The following CRIM1 variants were observed in gnomAD, a reference collection of about 807,000 sequenced individuals.
CRIM1 encodes cysteine rich transmembrane BMP regulator 1.
CRIM1 carries 32 observed loss-of-function variants against 116.4 expected under a neutral mutation model. The observed-to-expected ratio is 0.27, with a 90% CI of 0.21 to 0.37. The LOEUF (loss-of-function observed/expected upper bound fraction) is 0.37, where lower values mean the gene tolerates loss of function less well. CRIM1 is among the 10% of genes least tolerant of loss of function. CRIM1 has a pLI of 1.00. For missense variants in CRIM1, 1,331 were observed against 1,354.8 expected (o/e 0.98, Z 0.28); for synonymous variants, 590 against 509.2 (o/e 1.16, Z -2.13).
chr2:36,541,822 A>G (rs997439681), intron 14 of CRIM1, among the ~76,000 whole-genome samples: 1 of 152,196 alleles, frequency 6.6e-6, no homozygotes, highest in Admixed American at 6.5e-5. Flanking sequence ...GGGCTCTTCT[A>G]GTAAATACCA....
intron 1 of CRIM1, among the ~76,000 whole-genome samples, chr2:36,363,854 G>A (rs370571063): frequency 5.1e-4 from 77 of 152,252 alleles, no homozygotes; most frequent in South Asian, 3.9e-3. Flanking sequence ...GACGCCATGG[G>A]GGCTATGGTT....
At chr2:36,422,480 C>G (rs2124865602) in intron 2 of CRIM1, among the ~76,000 whole-genome samples, 1 of 152,192 alleles carries the variant, frequency 6.6e-6, no homozygotes, top group Non-Finnish European at 1.5e-5. Context: ...AACTGTGTAG[C>G]CTGAGAAGCT....
rs528529738 is a variant in CRIM1, at chr2:36,356,635, C to T, written c.331+12C>T. The T allele has an allele frequency of 2.5e-6, 4 of 1,597,684 alleles. No homozygotes were observed. The highest frequency in any genetic ancestry group is 2.2e-5 in the East Asian group (1 of 44,604). ...GGGCGTTTGCGAAGGTACGGCCGCC[C>T]GCTGCGGGCCCCCTCCCACCTGGCC... On this transcript the variant is annotated intron_variant, in intron 1 of 16. Transcript: ENST00000280527. The surrounding 1 kb of genome is among the most constrained non-coding windows in gnomAD (Gnocchi z 4.3).
chr2:36,452,453 A>T (rs1361318925), intron 4 of CRIM1, among the ~76,000 whole-genome samples: 1 of 152,142 alleles, frequency 6.6e-6, no homozygotes, highest in East Asian at 1.9e-4. Context: ...GAGCGAGTCA[A>T]CTCATGACTA....
chr2:36,536,928 C>T (rs1188283181), intron 13 of CRIM1, among the ~76,000 whole-genome samples: 1 of 151,782 alleles, frequency 6.6e-6, no homozygotes, highest in Non-Finnish European at 1.5e-5. Flanking sequence ...GACTCCCACT[C>T]AAGGGTTGCA....
At chr2:36,485,865 A>T (rs932260171) in intron 7 of CRIM1, among the ~76,000 whole-genome samples, 4 of 152,254 alleles carry the variant, frequency 2.6e-5, no homozygotes, top group Non-Finnish European at 4.4e-5. Flanking sequence ...ACTGTTAGGC[A>T]TGTGTTTTAT....
chr2:36,437,324 A>C (rs1378605548), intron 2 of CRIM1, among the ~76,000 whole-genome samples: 3 of 152,042 alleles, frequency 2.0e-5, no homozygotes, highest in Non-Finnish European at 4.4e-5. Flanking sequence ...GCAGTGAACC[A>C]AGATTGCACC....
intron 5 of CRIM1, among the ~76,000 whole-genome samples, chr2:36,476,073 A>G (rs147319035): frequency 0.015 from 2,283 of 152,150 alleles, 37 homozygotes; most frequent in South Asian, 0.072. Context: ...TAAATCAACT[A>G]AAATTAAAGA....
Position 36,517,542 on chromosome 2 carries a change from G to C in CRIM1, c.2206G>C (p.Asp736His). The C allele has an allele frequency of 6.2e-7, 1 of 1,607,728 alleles. No individual in the cohort carries two copies. Among genetic ancestry groups the C allele is most frequent in the South Asian group, 1.1e-5 (1 of 90,974 alleles). The change falls in exon 12 of 17, where the codon GAT becomes CAT. Residue 736 changes from aspartate (D) to histidine (H), a missense_variant and splice_region_variant. By Grantham distance (81) the Asp-to-His change is moderately conservative. This residue lies in a region of CRIM1 where 358 missense variants were observed against 436.1 expected (regional missense o/e 0.82). Coordinates refer to ENST00000280527, the MANE Select transcript of CRIM1 (RefSeq NM_016441.3). The part of the protein sequence containing the change: ...TQDSCCPQCT[D>H]QPFRPSLSRN... The stretch of plus-strand genomic sequence containing the variant: ...GGATTCCTGCTGCCCACAGTGTACA[G>C]GTAAGCGACACCATGCCTTGTGGGT...
intron 4 of CRIM1, among the ~76,000 whole-genome samples, chr2:36,450,158 G>A (rs879724850): frequency 6.6e-6 from 1 of 152,128 alleles, no homozygotes; most frequent in Non-Finnish European, 1.5e-5. Flanking sequence ...CTTTCTAATA[G>A]AATGTCGATA....
chr2:36,397,886 G>A (rs1315202502), intron 2 of CRIM1, among the ~76,000 whole-genome samples: 1 of 152,170 alleles, frequency 6.6e-6, no homozygotes, highest in Non-Finnish European at 1.5e-5. Context: ...TCCAGTCCTT[G>A]AACTTGAACA....
intron 1 of CRIM1, among the ~76,000 whole-genome samples, chr2:36,394,849 A>G (rs1277126469): frequency 6.6e-6 from 1 of 152,102 alleles, no homozygotes; most frequent in East Asian, 1.9e-4. Flanking sequence ...ACCGCCCTGA[A>G]GCTCTTTATG....
At chr2:36,518,549 C>G (rs1371334893) in intron 12 of CRIM1, among the ~76,000 whole-genome samples, 1 of 152,136 alleles carries the variant, frequency 6.6e-6, no homozygotes, top group Non-Finnish European at 1.5e-5. Context: ...ATCAGATGAA[C>G]TTATAGGGAT....
At chr2:36,544,323 C>T in intron 14 of CRIM1, 53 bp from the exon 15 acceptor site, 1 of 1,312,874 alleles carries the variant, frequency 7.6e-7, no homozygotes, top group East Asian at 2.8e-5. Context: ...AATACAAAAG[C>T]CAACAATACA....
intron 4 of CRIM1, among the ~76,000 whole-genome samples, chr2:36,445,503 T>G (rs961477669): frequency 3.3e-5 from 5 of 152,232 alleles, no homozygotes; most frequent in Admixed American, 3.3e-4. Flanking sequence ...GTCAGTTAAT[T>G]ATCGACTTTC....
chr2:36,464,674 G>C lies in CRIM1; in HGVS notation c.991+19G>C, dbSNP rs764734281. 1.9e-6 allele frequency: 3 copies of C among 1,613,362 alleles called. No homozygotes were observed. The highest frequency in any genetic ancestry group is 2.5e-6 in the Non-Finnish European group (3 of 1,179,424). On this transcript the variant is annotated intron_variant, in intron 5 of 16. Transcript: ENST00000280527. ...GTTAATGGTACGTGGGGTTTCTCTT[G>C]TTCTCAGAGAGTGTACATTTGTGCA...
At chr2:36,411,977 G>T (rs1240255708) in intron 2 of CRIM1, among the ~76,000 whole-genome samples, 2 of 152,118 alleles carry the variant, frequency 1.3e-5, no homozygotes, top group African/African-American at 4.8e-5. Context: ...CAATTAAATT[G>T]TGTTGTCTAT....
At chr2:36,481,912 G>C (rs758864110) in intron 7 of CRIM1, among the ~76,000 whole-genome samples, 2 of 152,162 alleles carry the variant, frequency 1.3e-5, no homozygotes, top group Non-Finnish European at 2.9e-5. Context: ...GGCAGTCAGC[G>C]GAGGCAAGGG....
In CRIM1 at chr2:36,462,714, G is replaced by GGTGT. The variant is rs140873090; in HGVS notation, c.870-1818_870-1815dup. ...AATCACATCTACACATTGGGGCCAG[G>GGTGT]GTGTGGCCTGTCAGTATTCTAGCCC... is the stretch of plus-strand genomic sequence containing the variant. On this transcript the variant is annotated intron_variant, in intron 4 of 16. Coordinates refer to ENST00000280527, the MANE Select transcript of CRIM1 (RefSeq NM_016441.3). Among the ~76,000 whole-genome samples the GGTGT allele has an allele frequency of 2.9e-3, 435 of 152,274 alleles. 3 individuals carry two copies. The highest frequency in any genetic ancestry group is 0.01 in the African/African-American group (416 of 41,540).
Sources: allele counts gnomAD v4.1 joint callset (sites outside exome capture counted in the v4.1 genomes callset), GRCh38; gene constraint gnomAD v4.1.1; regional missense constraint gnomAD v4.1.1; non-coding constraint Gnocchi (gnomAD v3.1); transcripts MANE v1.5; gene names NCBI Gene and HGNC (gene_info 2026-07-23, HGNC 2026-07-21).